SEPTIN9: variants seen among roughly 807,000 people sequenced by gnomAD.
The protein encoded by SEPTIN9 is septin-9.
A neutral mutation model predicts 56.6 loss-of-function variants in SEPTIN9; 13 were observed. That is an observed-to-expected ratio of 0.23 (90% confidence interval 0.15 to 0.37). The LOEUF (loss-of-function observed/expected upper bound fraction) is 0.37, where lower values mean the gene tolerates loss of function less well. SEPTIN9 is among the 10% of genes least tolerant of loss of function. SEPTIN9 has a pLI of 1.00. For synonymous variants in SEPTIN9, 332 were observed against 334.1 expected, an observed-to-expected ratio of 0.99 and a Z score of 0.07; for missense variants, 650 against 823.1, an observed-to-expected ratio of 0.79 and a Z score of 2.57.
At chr17:77,352,016 A>AG (rs2034079510) in intron 2 of SEPTIN9, among the ~76,000 whole-genome samples, 1 of 152,070 alleles carries the variant, frequency 6.6e-6, no homozygotes, top group Admixed American at 6.5e-5. Context: ...GCCGTGGGGG[A>AG]GGGGCCCTTG....
intron 1 of SEPTIN9, among the ~76,000 whole-genome samples, chr17:77,288,388 C>A (rs990877250): frequency 6.6e-6 from 1 of 152,226 alleles, no homozygotes; most frequent in African/African-American, 2.4e-5. Context: ...CCTGGCCAGG[C>A]GAGGCGTGTT....
intron 3 of SEPTIN9, among the ~76,000 whole-genome samples, chr17:77,414,634 A>G (rs2036433250): frequency 2.1e-5 from 3 of 145,032 alleles, no homozygotes; most frequent in South Asian, 2.2e-4. Flanking sequence ...CTGGGGTGCA[A>G]TGGCTCAATC....
chr17:77,453,132 T>C lies in SEPTIN9; in HGVS notation c.722-29012T>C, dbSNP rs1334790930. The stretch of plus-strand genomic sequence containing the variant: ...CTGTAGGCTGTCATTGTGATGGTGA[T>C]GGGGCCAATTCAGCTGCGGTGGGGA... On this transcript the variant is annotated intron_variant, in intron 3 of 11. Transcript: ENST00000427177. This position sits in a 1 kb window ranked among gnomAD's most constrained non-coding sequence, Gnocchi z 4.4. Among the ~76,000 whole-genome samples, 2 of 152,018 alleles carry C rather than the reference T, an allele frequency of 1.3e-5. No homozygotes were observed. Among genetic ancestry groups the C allele is most frequent in the African/African-American group, 4.8e-5 (2 of 41,362 alleles).
At position 77,434,533 on chromosome 17, in the gene SEPTIN9, T is replaced by C. The variant is rs1002874207; in HGVS notation, c.721+31830T>C. 2.6e-5 allele frequency among the ~76,000 whole-genome samples: 4 copies of C among 152,082 alleles called. No homozygotes were observed. Among genetic ancestry groups the C allele is most frequent in the African/African-American group, 4.8e-5 (2 of 41,404 alleles). On this transcript the variant is annotated intron_variant, in intron 3 of 11. Coordinates refer to ENST00000427177, the MANE Select transcript of SEPTIN9 (RefSeq NM_001113491.2). The surrounding 1 kb of genome is among the most constrained non-coding windows in gnomAD (Gnocchi z 5.0). ...TGGCTAAGCAGGGTGGCAGCCAGGG[T>C]GGCAGAGTCCCATTGGCCTGCAGGG...
Position 77,498,872 on chromosome 17 carries a change from T to G in SEPTIN9, c.*214T>G, listed in dbSNP as rs1293860732. The G allele has an allele frequency of 2.0e-5, 12 of 598,994 alleles. No homozygotes were observed. Among genetic ancestry groups the G allele is most frequent in the South Asian group, 4.6e-5 (3 of 65,776 alleles). The allele number at this position is 598,994 out of a possible 1,614,324, so 37.1% of individuals were successfully genotyped here. On this transcript the variant is annotated 3_prime_UTR_variant, in exon 12 of 12. Coordinates refer to ENST00000427177, the MANE Select transcript of SEPTIN9 (RefSeq NM_001113491.2). ...CCCCGAGGTTGTGGGGAGGCTGCAC[T>G]GGAGCCACAGGCAGGGGTGAGAGCA...
intron 2 of SEPTIN9, among the ~76,000 whole-genome samples, chr17:77,361,834 G>A (rs1293937156): frequency 4.0e-5 from 6 of 151,488 alleles, no homozygotes; most frequent in Admixed American, 2.6e-4. Context: ...GGGTTTCACC[G>A]TGTTAGCCAG....
intron 8 of SEPTIN9, among the ~76,000 whole-genome samples, chr17:77,491,316 A>G (rs1483385884): frequency 6.6e-6 from 1 of 151,944 alleles, no homozygotes; most frequent in African/African-American, 2.4e-5. Context: ...TCCCAGGCTC[A>G]GTCCCCGAGT....
chr17:77,282,184 A>G lies in SEPTIN9; in HGVS notation c.19+630A>G, dbSNP rs528850717. Among the ~76,000 whole-genome samples the G allele has an allele frequency of 5.3e-4, 81 of 152,258 alleles. 1 individual carries two copies. Among genetic ancestry groups the G allele is most frequent in the African/African-American group, 1.9e-3 (81 of 41,556 alleles). On this transcript the variant is annotated intron_variant, in intron 1 of 11. Transcript: ENST00000427177. ...ACCATGAGCCGGTTCAGGAGCTTTC[A>G]TTTCATAAGAGGCTCCCGCTCTGGC...
In SEPTIN9 at chr17:77,313,212, T is replaced by G. The variant is rs2032573565; in HGVS notation, c.76+6015T>G. Among the ~76,000 whole-genome samples, 2 of 152,206 alleles carry G rather than the reference T, an allele frequency of 1.3e-5. No individual in the cohort carries two copies. The highest frequency in any genetic ancestry group is 4.8e-5 in the African/African-American group (2 of 41,472). On this transcript the variant is annotated intron_variant, in intron 2 of 11. Coordinates refer to ENST00000427177, the MANE Select transcript of SEPTIN9 (RefSeq NM_001113491.2). The surrounding 1 kb of genome is among the most constrained non-coding windows in gnomAD (Gnocchi z 4.5). ...GACCTCCCTCGCTCTGCAGGGGCAG[T>G]CGGGGGCCCCCTCTAGGAATGGAGC...
chr17:77,336,200 T>G (rs562479350), intron 2 of SEPTIN9, among the ~76,000 whole-genome samples: 107 of 152,312 alleles, frequency 7.0e-4, no homozygotes, highest in Non-Finnish European at 1.3e-3. Context: ...TCTAAAATAT[T>G]ACTTTGAATA....
At chr17:77,480,793 A>G (rs1324764843) in intron 3 of SEPTIN9, among the ~76,000 whole-genome samples, 1 of 152,132 alleles carries the variant, frequency 6.6e-6, no homozygotes, top group African/African-American at 2.4e-5. Context: ...GTCTTAGCGC[A>G]GGATGCCTGA....
intron 1 of SEPTIN9, among the ~76,000 whole-genome samples, chr17:77,282,548 C>T (rs1041709534): frequency 6.6e-6 from 1 of 152,230 alleles, no homozygotes; most frequent in Admixed American, 6.5e-5. Context: ...CATCCCCCTG[C>T]CTTTGGGCCA....
intron 2 of SEPTIN9, chr17:77,373,386 C>T: frequency 8.1e-7 from 1 of 1,240,814 alleles, no homozygotes; most frequent in Non-Finnish European, 1.0e-6. Flanking sequence ...GCGGCTAGCT[C>T]TGCACTGCAG....
At chr17:77,381,987 C>T (rs1212020499) in intron 2 of SEPTIN9, among the ~76,000 whole-genome samples, 1 of 152,152 alleles carries the variant, frequency 6.6e-6, no homozygotes, top group Non-Finnish European at 1.5e-5. Flanking sequence ...GTGATGCTGG[C>T]CAGCTTCTCT....
Position 77,482,350 on chromosome 17 carries a change from T to C in SEPTIN9, c.913+15T>C, listed in dbSNP as rs1223579997. The stretch of plus-strand genomic sequence containing the variant: ...CATGGTGGTCGGTGAGTCCTCACCT[T>C]GCATGCCACTCAACCAATGCCGGAA... On this transcript the variant is annotated intron_variant, in intron 4 of 11. Coordinates refer to ENST00000427177, the MANE Select transcript of SEPTIN9 (RefSeq NM_001113491.2). The C allele has an allele frequency of 1.2e-6, 2 of 1,609,540 alleles. No homozygotes were observed. Among genetic ancestry groups the C allele is most frequent in the South Asian group, 1.1e-5 (1 of 91,032 alleles).
At chr17:77,489,651 G>C (rs138475447) in intron 7 of SEPTIN9, among the ~76,000 whole-genome samples, 6 of 152,190 alleles carry the variant, frequency 3.9e-5, no homozygotes, top group African/African-American at 1.4e-4. Context: ...AGGAAGCCCA[G>C]GGGTTTGGGG....
chr17:77,360,966 CA>C (rs1220861877), intron 2 of SEPTIN9, among the ~76,000 whole-genome samples: 1 of 145,872 alleles, frequency 6.9e-6, no homozygotes, highest in Non-Finnish European at 1.5e-5. Flanking sequence ...TGTTGCCCCC[CA>C]GGCTGGAGTG....
Position 77,475,106 on chromosome 17 carries a change from T to G in SEPTIN9, c.722-7038T>G, listed in dbSNP as rs1026338638. 2.1e-6 allele frequency: 1 copy of G among 486,628 alleles called. No individual in the cohort carries two copies. Among genetic ancestry groups the G allele is most frequent in the Non-Finnish European group, 2.8e-6 (1 of 351,452 alleles). The allele number at this position is 486,628 out of a possible 1,614,324, so 30.1% of individuals were successfully genotyped here. A position where few individuals can be genotyped will look rare whatever the true frequency, so the allele number is the denominator to read the frequency against. ...ATTTGTTCATTCATTCACCAGACTTTTTGCCGGGGCTTGCCGTGAGCCCTA... is the reference window on the plus strand; with the variant it reads ...ATTTGTTCATTCATTCACCAGACTTGTTGCCGGGGCTTGCCGTGAGCCCTA... On this transcript the variant is annotated intron_variant, in intron 3 of 11. Transcript: ENST00000427177. The surrounding 1 kb of genome is among the most constrained non-coding windows in gnomAD (Gnocchi z 4.6).
intron 7 of SEPTIN9, 125 bp downstream of exon 7, chr17:77,488,989 C>A: frequency 8.0e-7 from 1 of 1,254,252 alleles, no homozygotes; most frequent in Non-Finnish European, 1.1e-6. Flanking sequence ...GGGGCCATGG[C>A]CGCCAGCTAT....
Sources: allele counts gnomAD v4.1 joint callset (sites outside exome capture counted in the v4.1 genomes callset), GRCh38; gene constraint gnomAD v4.1.1; non-coding constraint Gnocchi (gnomAD v3.1); transcripts MANE v1.5; gene names NCBI Gene and HGNC (gene_info 2026-07-23, HGNC 2026-07-21).